Variants in RESF1 observed in about 807,000 individuals in gnomAD.
The protein encoded by RESF1 is gonad expressed transcript.
A neutral mutation model predicts 134.7 loss-of-function variants in RESF1; 65 were observed. The ratio of observed to expected loss-of-function variants is 0.48; its 90% CI spans 0.40 to 0.59. The LOEUF (loss-of-function observed/expected upper bound fraction) is 0.59, where lower values mean the gene tolerates loss of function less well. RESF1 is among the 20% of genes least tolerant of loss of function. The pLI is 0.00. For synonymous variants in RESF1, 762 were observed against 702.2 expected, an observed-to-expected ratio of 1.09 and a Z score of -1.35; for missense variants, 2,274 against 2,002.7, an observed-to-expected ratio of 1.14 and a Z score of -2.59.
intron 5 of RESF1, among the ~76,000 whole-genome samples, chr12:31,990,510 C>T (rs113758781): frequency 0.017 from 2,528 of 152,000 alleles, 71 homozygotes; most frequent in African/African-American, 0.058. Context: ...TGCAGTGGTG[C>T]GACCTAGGCT....
Position 31,981,393 on chromosome 12 carries a change from ACCCAATATG to A in RESF1, c.441_449del (p.Asn148_Pro150del), listed in dbSNP as rs1463200781. 4 of 1,613,930 alleles carry A rather than the reference ACCCAATATG, an allele frequency of 2.5e-6. No homozygotes were observed. Among genetic ancestry groups the A allele is most frequent in the Middle Eastern group, 1.6e-4 (1 of 6,084 alleles). On this transcript the variant is annotated inframe_deletion, in exon 4 of 6. Transcript: ENST00000312561. Reference sequence around the variant, plus strand: ...ATCAAACTGATTTTGGAGCTAACGTACCCAATATGCCGGCACTACAGAGTCAACTGATAA... The same window carrying A: ...ATCAAACTGATTTTGGAGCTAACGTACCGGCACTACAGAGTCAACTGATAA...
Position 31,983,526 on chromosome 12 carries a change from A to G in RESF1, c.2571A>G (p.Gly857=). The change falls in exon 4 of 6, where the codon GGA becomes GGG. Residue 857 remains glycine (G), a synonymous_variant. Coordinates refer to ENST00000312561, the MANE Select transcript of RESF1 (RefSeq NM_018169.4). ...NSEVTPNVNQ[G]KHNKLESAIH... ...AAGTCACACCTAATGTCAATCAAGG[A>G]AAGCATAACAAATTAGAGTCAGCTA... The G allele has an allele frequency of 6.2e-7, 1 of 1,614,174 alleles. No individual in the cohort carries two copies. Among genetic ancestry groups the G allele is most frequent in the Non-Finnish European group, 8.5e-7 (1 of 1,180,020 alleles).
intron 3 of RESF1, among the ~76,000 whole-genome samples, chr12:31,973,284 A>T (rs956182943): frequency 4.6e-5 from 7 of 151,776 alleles, no homozygotes; most frequent in African/African-American, 1.7e-4. Flanking sequence ...AGTTTGACCC[A>T]TGTGGATCCA....
At chr12:31,973,598 A>G (rs920701915) in intron 3 of RESF1, among the ~76,000 whole-genome samples, 1 of 152,110 alleles carries the variant, frequency 6.6e-6, no homozygotes. Flanking sequence ...CAATCTTCCA[A>G]AAACTTCAAT....
chr12:31,961,641 T>G (rs1023017604), intron 2 of RESF1, among the ~76,000 whole-genome samples: 23 of 152,234 alleles, frequency 1.5e-4, no homozygotes, highest in Admixed American at 3.3e-4. Flanking sequence ...TTTATGAGCT[T>G]TTTATTGATT....
chr12:31,992,829 A>G lies in RESF1; in HGVS notation c.*294A>G. 1 of 336,796 alleles carries G rather than the reference A, an allele frequency of 3.0e-6. No individual in the cohort carries two copies. Among genetic ancestry groups the G allele is most frequent in the South Asian group, 3.0e-5 (1 of 33,348 alleles). 20.9% of individuals were successfully genotyped at this position (336,796 alleles called of 1,614,324 possible). On this transcript the variant is annotated 3_prime_UTR_variant, in exon 6 of 6. Coordinates refer to ENST00000312561, the MANE Select transcript of RESF1 (RefSeq NM_018169.4). Reference sequence around the variant, plus strand: ...CTTATACAAATCAATTTGAAATTCTACCCATCTTGAGGGAGGACCGTTCCT... The same window carrying G: ...CTTATACAAATCAATTTGAAATTCTGCCCATCTTGAGGGAGGACCGTTCCT...
In RESF1 at chr12:31,959,446, GC is replaced by G. The variant is rs2120729791; in HGVS notation, c.-385del. On this transcript the variant is annotated 5_prime_UTR_variant, in exon 1 of 6. Transcript: ENST00000312561. ...CTTAAACTCTGGGGCCCGGGAGGCC[GC>G]CGGTTTTCTCCCCGCTTGCCGGGGT... The G allele has an allele frequency of 6.6e-6, 1 of 152,528 alleles. No individual in the cohort carries two copies. The highest frequency in any genetic ancestry group is 1.9e-4 in the East Asian group (1 of 5,174). The allele number at this position is 152,528 out of a possible 1,614,324, so 9.4% of individuals were successfully genotyped here.
chr12:31,986,202 C>A (rs963995333), intron 4 of RESF1, among the ~76,000 whole-genome samples: 2 of 152,022 alleles, frequency 1.3e-5, no homozygotes, highest in Admixed American at 6.6e-5. Flanking sequence ...GTAAAACTTG[C>A]CAGATAGAAA....
At chr12:31,963,808 A>G (rs1322302026) in intron 2 of RESF1, among the ~76,000 whole-genome samples, 1 of 152,228 alleles carries the variant, frequency 6.6e-6, no homozygotes, top group Non-Finnish European at 1.5e-5. Flanking sequence ...AATTGAAGTC[A>G]TAATATTTTT....
chr12:31,967,344 T>C (rs1939419050), intron 2 of RESF1, among the ~76,000 whole-genome samples: 1 of 152,216 alleles, frequency 6.6e-6, no homozygotes, highest in African/African-American at 2.4e-5. Context: ...GATACTTAAA[T>C]GAGATAAAAG....
At position 31,983,378 on chromosome 12, in the gene RESF1, C is replaced by T. The variant is rs150039507; in HGVS notation, c.2423C>T (p.Ala808Val). 120 of 1,613,958 alleles carry T rather than the reference C, an allele frequency of 7.4e-5. No homozygotes were observed. The East Asian group carries it at 2.1e-3, about 28-fold the overall frequency. Residue 808 changes from alanine to valine, a missense_variant, in exon 4 of 6, where the codon GCA becomes GTA. Physicochemically the swap from Ala to Val is moderately conservative, Grantham distance 64. Transcript: ENST00000312561. ...CSLQNQLAEN[A>V]KATAALKVDV... Reference sequence around the variant, plus strand: ...TTACAAAATCAATTGGCAGAAAATGCAAAGGCAACTGCTGCTTTGAAAGTT... The same window carrying T: ...TTACAAAATCAATTGGCAGAAAATGTAAAGGCAACTGCTGCTTTGAAAGTT...
rs1370578648 is a variant in RESF1, at chr12:31,982,871, A to G, written c.1916A>G (p.Asn639Ser). The G allele has an allele frequency of 6.2e-7, 1 of 1,614,152 alleles. No individual in the cohort carries two copies. Among genetic ancestry groups the G allele is most frequent in the Non-Finnish European group, 8.5e-7 (1 of 1,180,020 alleles). ...LKNMETPSTS[N>S]VSGRVLDNSF... Reference sequence around the variant, plus strand: ...AACATGGAAACTCCAAGTACTTCTAATGTAAGTGGCAGGGTTTTGGACAAC... The same window carrying G: ...AACATGGAAACTCCAAGTACTTCTAGTGTAAGTGGCAGGGTTTTGGACAAC... The change falls in exon 4 of 6, where the codon AAT becomes AGT. Residue 639 changes from asparagine (N) to serine (S), a missense_variant. Physicochemically the swap from Asn to Ser is conservative, Grantham distance 46. Coordinates refer to ENST00000312561, the MANE Select transcript of RESF1 (RefSeq NM_018169.4).
At position 31,982,623 on chromosome 12, in the gene RESF1, A is replaced by T. The variant is rs1388282846; in HGVS notation, c.1668A>T (p.Pro556=). Reference sequence around the variant, plus strand: ...TTACCAAAGTTGAGCAAAATTCACCAGCAGTTTGTGAAACAATTTCTGTTC... The same window carrying T: ...TTACCAAAGTTGAGCAAAATTCACCTGCAGTTTGTGAAACAATTTCTGTTC... ...ENVTKVEQNS[P]AVCETISVPK... is the part of the protein sequence containing the mutation. The change falls in exon 4 of 6, where the codon CCA becomes CCT. Residue 556 remains proline, a synonymous_variant. Transcript: ENST00000312561. 6.2e-7 allele frequency: 1 copy of T among 1,614,062 alleles called. No individual in the cohort carries two copies. Among genetic ancestry groups the T allele is most frequent in the Admixed American group, 1.7e-5 (1 of 60,026 alleles).
chr12:31,977,255 A>ACTGCAACCTC (rs1939656949), intron 3 of RESF1, among the ~76,000 whole-genome samples: 1 of 152,102 alleles, frequency 6.6e-6, no homozygotes, highest in Non-Finnish European at 1.5e-5. Context: ...ACCTCGGCTC[A>ACTGCAACCTC]CTGCAACCTC....
Position 31,985,790 on chromosome 12 carries a change from G to T in RESF1, c.4835G>T (p.Arg1612Ile). The T allele has an allele frequency of 1.3e-6, 2 of 1,567,328 alleles. No homozygotes were observed. The highest frequency in any genetic ancestry group is 1.7e-6 in the Non-Finnish European group (2 of 1,164,664). Residue 1612 changes from arginine (R) to isoleucine (I), a missense_variant, in exon 4 of 6, where the codon AGA becomes ATA. Transcript: ENST00000312561. ...CCCAGGAAGCTTCATAAAGATAAGAGACAGGAAAATAAACATAAGACCTTT... is the reference window on the plus strand; with the variant it reads ...CCCAGGAAGCTTCATAAAGATAAGATACAGGAAAATAAACATAAGACCTTT... ...SSPRKLHKDK[R>I]QENKHKTFLP...
At chr12:31,963,791 T>G (rs1262465825) in intron 2 of RESF1, among the ~76,000 whole-genome samples, 1 of 152,242 alleles carries the variant, frequency 6.6e-6, no homozygotes, top group East Asian at 1.9e-4. Flanking sequence ...TTCTGAACAC[T>G]TCATATAATT....
intron 4 of RESF1, chr12:31,987,036 A>G (rs1939988801): frequency 9.3e-6 from 4 of 428,102 alleles, no homozygotes; most frequent in Non-Finnish European, 1.7e-5. Flanking sequence ...ATAATTACAT[A>G]GTAAAGATAA....
At chr12:31,977,603 C>T (rs1319699304) in intron 3 of RESF1, among the ~76,000 whole-genome samples, 1 of 152,092 alleles carries the variant, frequency 6.6e-6, no homozygotes, top group African/African-American at 2.4e-5. Flanking sequence ...AACCAATTGA[C>T]CTAGCTTCAT....
chr12:31,981,981 A>G lies in RESF1; in HGVS notation c.1026A>G (p.Val342=). Residue 342 remains valine, a synonymous_variant, in exon 4 of 6, where the codon GTA becomes GTG. Transcript: ENST00000312561. ...STIGNFTNLK[V]NTNSKQPFNS... ...TTGGAAATTTCACTAACTTGAAAGT[A>G]AATACCAACAGCAAACAGCCTTTTA... 6.2e-7 allele frequency: 1 copy of G among 1,614,212 alleles called. No homozygotes were observed. The highest frequency in any genetic ancestry group is 8.5e-7 in the Non-Finnish European group (1 of 1,180,024).
Sources: allele counts gnomAD v4.1 joint callset (sites outside exome capture counted in the v4.1 genomes callset), GRCh38; gene constraint gnomAD v4.1.1; transcripts MANE v1.5; gene names NCBI Gene and HGNC (gene_info 2026-07-23, HGNC 2026-07-21).